The following MGAT5 variants were observed in gnomAD, a reference collection of about 807,000 sequenced individuals.
MGAT5 encodes the protein alpha-1,6-mannosylglycoprotein 6-beta-N-acetylglucosaminyltransferase.
In MGAT5, 30 loss-of-function variants were observed where a neutral mutation model predicts 94.3. That is an observed-to-expected ratio of 0.32 (90% CI 0.24 to 0.43). The LOEUF (loss-of-function observed/expected upper bound fraction) is 0.43, where lower values mean the gene tolerates loss of function less well. Ranked by LOEUF, MGAT5 falls within the 20% of genes least tolerant of loss-of-function variation. MGAT5 has a pLI of 1.00. For missense variants in MGAT5, 691 were observed against 905.5 expected (o/e 0.76, Z 3.04); for synonymous variants, 310 against 322.9 (o/e 0.96, Z 0.43).
chr2:134,368,041 C>T (rs1252684031), intron 10 of MGAT5, among the ~76,000 whole-genome samples: 2 of 152,168 alleles, frequency 1.3e-5, no homozygotes, highest in African/African-American at 4.8e-5. Flanking sequence ...AGTCCTACAG[C>T]ACATGACTGG....
chr2:134,430,436 T>C (rs1357878910), intron 14 of MGAT5, among the ~76,000 whole-genome samples: 1 of 152,166 alleles, frequency 6.6e-6, no homozygotes, highest in Non-Finnish European at 1.5e-5. Flanking sequence ...ATGCAGAGGC[T>C]CCACCTGGCT....
intron 1 of MGAT5, among the ~76,000 whole-genome samples, chr2:134,158,149 C>G (rs1025589680): frequency 6.6e-6 from 1 of 152,266 alleles, no homozygotes. Flanking sequence ...AACTGGCAGC[C>G]TGGCCCCCAG....
chr2:134,174,992 A>G (rs1170299058), intron 1 of MGAT5, among the ~76,000 whole-genome samples: 2 of 152,182 alleles, frequency 1.3e-5, no homozygotes, highest in Non-Finnish European at 1.5e-5. Context: ...ACCACTGCCC[A>G]TTGACAGAGT....
chr2:134,165,078 A>G (rs1687909988), intron 1 of MGAT5, among the ~76,000 whole-genome samples: 1 of 152,204 alleles, frequency 6.6e-6, no homozygotes, highest in African/African-American at 2.4e-5. Context: ...TATCTGTGCT[A>G]TCCAGTATGG....
chr2:134,389,165 T>G (rs2106242280), intron 10 of MGAT5, among the ~76,000 whole-genome samples: 1 of 152,312 alleles, frequency 6.6e-6, no homozygotes, highest in African/African-American at 2.4e-5. Flanking sequence ...TTTCTTCATG[T>G]TAGCAGCCAT....
intron 1 of MGAT5, among the ~76,000 whole-genome samples, chr2:134,174,464 G>A (rs1335231172): frequency 6.6e-6 from 1 of 152,270 alleles, no homozygotes; most frequent in East Asian, 1.9e-4. Flanking sequence ...GCACATAGCA[G>A]CATATGAGCT....
chr2:134,204,386 CCAAGTCTCT>C (rs1233508482), intron 1 of MGAT5, among the ~76,000 whole-genome samples: 2 of 152,252 alleles, frequency 1.3e-5, no homozygotes, highest in Non-Finnish European at 2.9e-5. Flanking sequence ...ATGAAATTAG[CCAAGTCTCT>C]CAAGTTGACT....
chr2:134,305,371 C>T (rs1178769193), intron 2 of MGAT5, among the ~76,000 whole-genome samples: 1 of 152,132 alleles, frequency 6.6e-6, no homozygotes, highest in Non-Finnish European at 1.5e-5. Context: ...CTATAAGACG[C>T]TTGTGACAAG....
intron 2 of MGAT5, among the ~76,000 whole-genome samples, chr2:134,280,187 G>A (rs1050331832): frequency 6.6e-6 from 1 of 152,160 alleles, no homozygotes; most frequent in Non-Finnish European, 1.5e-5. Context: ...AAGCAATGCG[G>A]GGTGAAGATG....
intron 1 of MGAT5, among the ~76,000 whole-genome samples, chr2:134,216,904 A>C (rs1283689286): frequency 6.6e-6 from 1 of 152,166 alleles, no homozygotes; most frequent in African/African-American, 2.4e-5. Context: ...ACATGACAGG[A>C]ATCTGGCTTA....
At chr2:134,367,737 G>A (rs544832005) in intron 10 of MGAT5, among the ~76,000 whole-genome samples, 6 of 152,342 alleles carry the variant, frequency 3.9e-5, no homozygotes, top group African/African-American at 1.4e-4. Flanking sequence ...GTGGAAAAGT[G>A]AAGTGTAACT....
At chr2:134,173,506 C>T (rs966649905) in intron 1 of MGAT5, among the ~76,000 whole-genome samples, 2 of 152,226 alleles carry the variant, frequency 1.3e-5, no homozygotes, top group Admixed American at 6.5e-5. Flanking sequence ...CCCTTGTTCT[C>T]AGCTCTGCAC....
chr2:134,144,857 C>T (rs551263070), intron 1 of MGAT5, among the ~76,000 whole-genome samples: 6 of 152,184 alleles, frequency 3.9e-5, no homozygotes, highest in Non-Finnish European at 7.4e-5. Context: ...ATGTGGGAAA[C>T]GGGCCTTATG....
chr2:134,396,879 T>A (rs1561456), intron 10 of MGAT5, among the ~76,000 whole-genome samples: 146,041 of 152,274 alleles, frequency 0.96, 70,206 homozygotes, highest in South Asian at 1. Context: ...GGAGACAGCA[T>A]TGACCTTCAC....
At position 134,343,782 on chromosome 2, in the gene MGAT5, TAC is replaced by T. The variant is rs550611813; in HGVS notation, c.978-1146_978-1145del. 6.6e-5 allele frequency among the ~76,000 whole-genome samples: 10 copies of T among 152,278 alleles called. No individual in the cohort carries two copies. In the South Asian group the frequency reaches 2.1e-3, roughly 32 times the overall value. The stretch of plus-strand genomic sequence containing the variant: ...TCAGCCCTCTGTCTTTTTTTGTAAA[TAC>T]AGTTTCATGGGAACACAGCCATGCC... On this transcript the variant is annotated intron_variant, in intron 7 of 15. Coordinates refer to ENST00000281923, the MANE Select transcript of MGAT5 (RefSeq NM_002410.5).
chr2:134,130,773 A>G (rs756998002), intron 1 of MGAT5, among the ~76,000 whole-genome samples: 2 of 151,830 alleles, frequency 1.3e-5, no homozygotes, highest in Non-Finnish European at 1.5e-5. Context: ...AAATGCACCA[A>G]TCAGCACTCT....
intron 2 of MGAT5, among the ~76,000 whole-genome samples, chr2:134,297,196 C>CAAAAAAAA (rs143685303): frequency 4.3e-4 from 43 of 100,452 alleles, no homozygotes; most frequent in Middle Eastern, 0.01. Context: ...GACCTGGTCT[C>CAAAAAAAA]AAAAAAAAAA....
intron 1 of MGAT5, among the ~76,000 whole-genome samples, chr2:134,245,755 G>C (rs1424186877): frequency 6.6e-6 from 1 of 152,182 alleles, no homozygotes; most frequent in Non-Finnish European, 1.5e-5. Flanking sequence ...AGGAAGAAGA[G>C]TGCATGTTCT....
rs1187026808 is a variant in MGAT5 at position 134,452,075 on chromosome 2, C to T, written c.*3228C>T. 6.6e-6 allele frequency: 1 copy of T among 152,130 alleles called. No individual in the cohort carries two copies. The highest frequency in any genetic ancestry group is 1.5e-5 in the Non-Finnish European group (1 of 68,052). 9.4% of individuals were successfully genotyped at this position (152,130 alleles called of 1,614,324 possible). On this transcript the variant is annotated 3_prime_UTR_variant, in exon 16 of 16. Coordinates refer to ENST00000281923, the MANE Select transcript of MGAT5 (RefSeq NM_002410.5). The stretch of plus-strand genomic sequence containing the variant: ...TGCTGTTGAAGGGCAATAGCAGACT[C>T]CTCCAGCTAAGAGACAGGACATGTT...
Sources: gnomAD v4.1 joint callset for allele counts (sites outside exome capture counted in the v4.1 genomes callset) on GRCh38, gnomAD v4.1.1 for gene constraint, MANE v1.5 for transcripts, NCBI Gene and HGNC (gene_info 2026-07-23, HGNC 2026-07-21) for gene names.